Variants in RHOG observed in about 807,000 individuals in gnomAD.
The protein encoded by RHOG is ras homolog family member G, also known as rho-related GTP-binding protein RhoG.
Under a neutral mutation model 12.3 loss-of-function variants are expected in RHOG, and 1 was observed. The ratio of observed to expected loss-of-function variants is 0.08; its 90% CI spans 0.03 to 0.39. The LOEUF is 0.39. Ranked by LOEUF, RHOG falls within the 10% of genes least tolerant of loss-of-function variation. RHOG has a pLI of 0.99. For missense variants in RHOG, 114 were observed against 266.2 expected, an observed-to-expected ratio of 0.43 and a Z score of 3.98; for synonymous variants, 129 against 116.0, an observed-to-expected ratio of 1.11 and a Z score of -0.72.
At chr11:3,834,434 T>C (rs1176770462) in intron 1 of RHOG, among the ~76,000 whole-genome samples, 7 of 152,172 alleles carry the variant, frequency 4.6e-5, no homozygotes, top group Non-Finnish European at 1.0e-4. Context: ...CACTGAGATA[T>C]GGAGAGACTT....
At chr11:3,833,876 C>T (rs2090143151) in intron 1 of RHOG, among the ~76,000 whole-genome samples, 1 of 152,176 alleles carries the variant, frequency 6.6e-6, no homozygotes, top group Non-Finnish European at 1.5e-5. Flanking sequence ...TCTAATCTTC[C>T]TTACTCCTTA....
chr11:3,839,602 A>AAC (rs112483411), intron 1 of RHOG, among the ~76,000 whole-genome samples: 34,093 of 141,544 alleles, frequency 0.24, 4,310 homozygotes, highest in South Asian at 0.51. Context: ...CACACACGCA[A>AAC]ACACACACAC....
At chr11:3,828,880 A>G (rs1053587472) in intron 1 of RHOG, among the ~76,000 whole-genome samples, 1 of 151,862 alleles carries the variant, frequency 6.6e-6, no homozygotes, top group African/African-American at 2.4e-5. Flanking sequence ...TTGGCCTCCT[A>G]AAGTGCTGGG....
At chr11:3,839,628 C>G (rs1252385924) in intron 1 of RHOG, among the ~76,000 whole-genome samples, 1 of 149,852 alleles carries the variant, frequency 6.7e-6, no homozygotes, top group South Asian at 2.1e-4. Flanking sequence ...CACACACACA[C>G]AGGCTTTCCA....
At chr11:3,840,323 G>A (rs1218736199) in intron 1 of RHOG, among the ~76,000 whole-genome samples, 1 of 152,082 alleles carries the variant, frequency 6.6e-6, no homozygotes, top group African/African-American at 2.4e-5. Flanking sequence ...GACTGGGGTC[G>A]GCGGGGCTCC....
intron 1 of RHOG, among the ~76,000 whole-genome samples, chr11:3,834,279 CG>C (rs1339235884): frequency 6.6e-6 from 1 of 152,106 alleles, no homozygotes; most frequent in Non-Finnish European, 1.5e-5. Flanking sequence ...AACAGTCATA[CG>C]TAAGTTTCCC....
chr11:3,837,772 C>T (rs1467063234), intron 1 of RHOG: 1 of 152,210 alleles, frequency 6.6e-6, no homozygotes, highest in Non-Finnish European at 1.5e-5. Context: ...TTTATTCCTT[C>T]AGAAAATGGG....
intron 1 of RHOG, among the ~76,000 whole-genome samples, chr11:3,833,501 C>G (rs2090141429): frequency 6.6e-6 from 1 of 152,196 alleles, no homozygotes; most frequent in African/African-American, 2.4e-5. Context: ...GTCCCTCATA[C>G]TGGCATTCAG....
intron 1 of RHOG, among the ~76,000 whole-genome samples, chr11:3,838,138 G>C (rs1185183139): frequency 6.6e-6 from 1 of 152,206 alleles, no homozygotes; most frequent in African/African-American, 2.4e-5. Context: ...TTCAGTGTGG[G>C]CCTGAGCCCC....
rs776225932 is a variant in RHOG at position 3,828,037 on chromosome 11, G to A, written c.102C>T (p.Pro34=). Residue 34 remains proline (P), a synonymous_variant, in exon 2 of 2, where the codon CCC becomes CCT. Coordinates refer to ENST00000351018, the MANE Select transcript of RHOG (RefSeq NM_001665.4). ...TTNAFPKEYI[P]TVFDNYSAQS... ...GCGCGCTGTAATTGTCGAACACGGT[G>A]GGGATGTACTCTTTGGGGAAAGCGT... is the stretch of plus-strand genomic sequence containing the variant. 3.1e-6 allele frequency: 5 copies of A among 1,614,146 alleles called. No individual in the cohort carries two copies. Among genetic ancestry groups the A allele is most frequent in the Non-Finnish European group, 4.2e-6 (5 of 1,180,056 alleles).
rs931468329 is a variant in RHOG at position 3,840,917 on chromosome 11, G to T, written c.-92C>A. The T allele has an allele frequency of 2.0e-5, 3 of 152,230 alleles. No homozygotes were observed. The highest frequency in any genetic ancestry group is 2.9e-5 in the Non-Finnish European group (2 of 68,114). 9.4% of individuals were successfully genotyped at this position (152,230 alleles called of 1,614,324 possible). On this transcript the variant is annotated 5_prime_UTR_variant, in exon 1 of 2. Transcript: ENST00000351018. ...ACCTGGTGCCCTCCCCGAGGCGGGG[G>T]AGCTGGGGGCGGCGGCAGCGGCTCC... is the stretch of plus-strand genomic sequence containing the variant.
At chr11:3,835,323 C>T (rs1451722) in intron 1 of RHOG, among the ~76,000 whole-genome samples, 71,652 of 151,992 alleles carry the variant, frequency 0.47, 18,342 homozygotes, top group Non-Finnish European at 0.57. Flanking sequence ...GTCCTTCAGG[C>T]CCAGTACTGT....
chr11:3,829,808 G>A (rs946110578), intron 1 of RHOG, among the ~76,000 whole-genome samples: 6 of 151,808 alleles, frequency 4.0e-5, no homozygotes, highest in East Asian at 1.9e-4. Context: ...GTGTAGTGGC[G>A]CAATCTTGAC....
intron 1 of RHOG, among the ~76,000 whole-genome samples, chr11:3,834,044 T>G (rs2090143950): frequency 6.6e-6 from 1 of 152,218 alleles, no homozygotes; most frequent in South Asian, 2.1e-4. Context: ...TGCCTCAGCC[T>G]CCTGAGTTAT....
intron 1 of RHOG, among the ~76,000 whole-genome samples, chr11:3,828,896 A>G (rs2090109336): frequency 6.6e-6 from 1 of 151,890 alleles, no homozygotes; most frequent in South Asian, 2.1e-4. Context: ...CTGGGATTAC[A>G]GGCGTGAGCC....
chr11:3,832,102 G>T (rs1442255181), intron 1 of RHOG, among the ~76,000 whole-genome samples: 2 of 152,136 alleles, frequency 1.3e-5, no homozygotes, highest in Non-Finnish European at 2.9e-5. Flanking sequence ...ATAGGGCCAA[G>T]AGTACTGGAT....
At chr11:3,830,326 G>C (rs912020660) in intron 1 of RHOG, among the ~76,000 whole-genome samples, 1 of 152,064 alleles carries the variant, frequency 6.6e-6, no homozygotes, top group African/African-American at 2.4e-5. Context: ...CTGTAAAATG[G>C]GGATAATCTT....
At chr11:3,838,918 T>C (rs2090171877) in intron 1 of RHOG, among the ~76,000 whole-genome samples, 1 of 151,984 alleles carries the variant, frequency 6.6e-6, no homozygotes, top group African/African-American at 2.4e-5. Context: ...ATGGGGAGTA[T>C]TAAGGATGCC....
At chr11:3,835,018 C>G (rs1365697440) in intron 1 of RHOG, among the ~76,000 whole-genome samples, 3 of 152,192 alleles carry the variant, frequency 2.0e-5, no homozygotes, top group African/African-American at 7.2e-5. Flanking sequence ...ACCATTGCTG[C>G]CTCTTCCAGG....
Sources: allele counts gnomAD v4.1 joint callset (sites outside exome capture counted in the v4.1 genomes callset), GRCh38; gene constraint gnomAD v4.1.1; transcripts MANE v1.5; gene names NCBI Gene and HGNC (gene_info 2026-07-23, HGNC 2026-07-21).